The following GSDME variants were observed in gnomAD, a reference collection of about 807,000 sequenced individuals.
The protein encoded by GSDME is gasdermin E.
A neutral mutation model predicts 47.5 loss-of-function variants in GSDME; 44 were observed. The ratio of observed to expected loss-of-function variants is 0.93; its 90% CI spans 0.73 to 1.19. The LOEUF (loss-of-function observed/expected upper bound fraction) is 1.19, where lower values mean the gene tolerates loss of function less well. GSDME is among the 50% of genes most tolerant of loss of function. The probability of loss-of-function intolerance (pLI) is 0.00; values close to 1 mark genes in which losing one functional copy is unlikely to be tolerated. For synonymous variants in GSDME, 258 were observed against 252.8 expected (o/e 1.02, Z -0.20); for missense variants, 663 against 604.2 (o/e 1.10, Z -1.02).
rs1362481071 is a variant in GSDME, at chr7:24,698,696, A to G, written c.*330T>C. 1 of 370,892 alleles carries G rather than the reference A, an allele frequency of 2.7e-6. No individual in the cohort carries two copies. The highest frequency in any genetic ancestry group is 5.1e-6 in the Non-Finnish European group (1 of 195,482). The allele number at this position is 370,892 out of a possible 1,614,324, so 23.0% of individuals were successfully genotyped here. On this transcript the variant is annotated 3_prime_UTR_variant, in exon 10 of 10. Transcript: ENST00000645220. ...AGGGTCAGACTCTTTCTATGTAACA[A>G]AAAGTGGAATGCAAGTGACAGATGG...
chr7:24,715,620 A>G (rs1272883339), intron 5 of GSDME: 2 of 363,124 alleles, frequency 5.5e-6, no homozygotes, highest in Middle Eastern at 3.8e-4. Context: ...CCACATACAG[A>G]TAACAGAGAC....
chr7:24,766,182 T>TG, the GSDME span, among the ~76,000 whole-genome samples: 2 of 134,408 alleles, frequency 1.5e-5, no homozygotes, highest in African/African-American at 2.9e-5. The surrounding 1 kb of genome is among the most constrained non-coding windows in gnomAD (Gnocchi z 4.2). Context: ...AATTACATTA[T>TG]TTGTGTGTGT....
rs1257212915 is a variant in GSDME at position 24,714,166 on chromosome 7, G to T, written c.697+3088C>A. ...AGGGTGTTTCTGATTGGGCATAAGTGTCTCCTGAGAGGGGAGCTGTGGGTG... is the reference window on the plus strand; with the variant it reads ...AGGGTGTTTCTGATTGGGCATAAGTTTCTCCTGAGAGGGGAGCTGTGGGTG... On this transcript the variant is annotated intron_variant, in intron 5 of 9. Transcript: ENST00000645220. This position sits in a 1 kb window ranked among gnomAD's most constrained non-coding sequence, Gnocchi z 5.0. 2.6e-5 allele frequency among the ~76,000 whole-genome samples: 4 copies of T among 152,220 alleles called. No homozygotes were observed. Among genetic ancestry groups the T allele is most frequent in the African/African-American group, 9.7e-5 (4 of 41,448 alleles).
At chr7:24,738,663 A>C (rs1790387639) in intron 3 of GSDME, among the ~76,000 whole-genome samples, 1 of 152,220 alleles carries the variant, frequency 6.6e-6, no homozygotes, top group African/African-American at 2.4e-5. Flanking sequence ...CAAAAGATGC[A>C]GAATAGCCAA....
the GSDME span, among the ~76,000 whole-genome samples, chr7:24,792,689 A>G: frequency 0.67 from 101,903 of 152,052 alleles, 36,387 homozygotes; most frequent in East Asian, 0.99. Context: ...ACTCTGGAGC[A>G]GGTGGTGCTT....
In GSDME at chr7:24,699,251, A is replaced by T. The variant is rs373300621; in HGVS notation, c.1266T>A (p.Ala422=). Reference sequence around the variant, plus strand: ...GATCAGATACTCCATCATCAGACAGAGCACGAAGCTGAAATGACACATTTA... The same window carrying T: ...GATCAGATACTCCATCATCAGACAGTGCACGAAGCTGAAATGACACATTTA... The part of the protein sequence containing the change: ...IIPTLCHLLR[A]LSDDGVSDLE... Residue 422 remains alanine (A), a synonymous_variant, in exon 10 of 10, where the codon GCT becomes GCA. Transcript: ENST00000645220. 18 of 1,609,768 alleles carry T rather than the reference A, an allele frequency of 1.1e-5. No individual in the cohort carries two copies. In the African/African-American group the frequency reaches 2.3e-4, roughly 20 times the overall value.
intron 7 of GSDME, chr7:24,707,632 G>A: frequency 2.8e-6 from 1 of 356,926 alleles, no homozygotes; most frequent in East Asian, 7.0e-5. Flanking sequence ...CTAGATTGGG[G>A]TGGGCCCTAA....
At chr7:24,784,237 C>A in the GSDME span, among the ~76,000 whole-genome samples, 1 of 152,002 alleles carries the variant, frequency 6.6e-6, no homozygotes, top group African/African-American at 2.4e-5. Flanking sequence ...CAGGGTTCTG[C>A]GGAGGGACAG....
intron 5 of GSDME, among the ~76,000 whole-genome samples, chr7:24,711,505 C>G (rs1370490371): frequency 6.6e-6 from 1 of 152,064 alleles, no homozygotes; most frequent in East Asian, 2.0e-4. Context: ...AGCCACTGCT[C>G]CAGGCGATAA....
At chr7:24,791,142 G>A in the GSDME span, among the ~76,000 whole-genome samples, 1 of 152,016 alleles carries the variant, frequency 6.6e-6, no homozygotes, top group Non-Finnish European at 1.5e-5. This position sits in a 1 kb window ranked among gnomAD's most constrained non-coding sequence, Gnocchi z 4.8. Context: ...GATCCAGGCT[G>A]GGATTCCTTG....
chr7:24,776,484 T>A, the GSDME span, among the ~76,000 whole-genome samples: 1 of 152,204 alleles, frequency 6.6e-6, no homozygotes, highest in Non-Finnish European at 1.5e-5. Context: ...ATATAAGCAA[T>A]CTTGTTTCAT....
Position 24,722,578 on chromosome 7 carries a change from A to T in GSDME, c.405-3360T>A, listed in dbSNP as rs543603149. Among the ~76,000 whole-genome samples, 25 of 152,172 alleles carry T rather than the reference A, an allele frequency of 1.6e-4. No individual in the cohort carries two copies. In the South Asian group the frequency reaches 4.6e-3, roughly 28 times the overall value. Reference sequence around the variant, plus strand: ...TCAGACACATCACCGCCTGGTGACGACCCCACAACTGCCGCCTTTAGGAGT... The same window carrying T: ...TCAGACACATCACCGCCTGGTGACGTCCCCACAACTGCCGCCTTTAGGAGT... On this transcript the variant is annotated intron_variant, in intron 3 of 9. Transcript: ENST00000645220.
chr7:24,717,512 A>G, intron 4 of GSDME, 138 bp from the exon 5 acceptor site: 1 of 1,377,614 alleles, frequency 7.3e-7, no homozygotes, highest in East Asian at 2.5e-5. Flanking sequence ...CAGAGGAGCC[A>G]GCCAGCATGG....
chr7:24,774,017 C>T, the GSDME span, among the ~76,000 whole-genome samples: 1 of 152,276 alleles, frequency 6.6e-6, no homozygotes, highest in Admixed American at 6.5e-5. Context: ...AAAACATTTA[C>T]CCTGCTTCCT....
intron 6 of GSDME, among the ~76,000 whole-genome samples, chr7:24,708,720 A>G (rs1022619099): frequency 6.7e-6 from 1 of 150,092 alleles, no homozygotes; most frequent in South Asian, 2.1e-4. Context: ...ATCCTTTAAT[A>G]TTTAATGCCC....
chr7:24,747,773 T>A (rs553919324), intron 2 of GSDME, among the ~76,000 whole-genome samples: 1 of 152,168 alleles, frequency 6.6e-6, no homozygotes, highest in Non-Finnish European at 1.5e-5. Context: ...GTTCAAGCGA[T>A]CCTCCCACCT....
intron 1 of GSDME, among the ~76,000 whole-genome samples, chr7:24,752,169 C>T (rs886839093): frequency 1.3e-5 from 2 of 152,172 alleles, no homozygotes; most frequent in Non-Finnish European, 2.9e-5. Flanking sequence ...AAATGGGTTA[C>T]CAGTGAGCTT....
chr7:24,701,405 A>T (rs941682023), intron 9 of GSDME, among the ~76,000 whole-genome samples: 1 of 152,226 alleles, frequency 6.6e-6, no homozygotes, highest in Non-Finnish European at 1.5e-5. Flanking sequence ...CTTGGGGGTA[A>T]TACAAATGTC....
the GSDME span, among the ~76,000 whole-genome samples, chr7:24,793,939 T>C: frequency 6.6e-6 from 1 of 152,238 alleles, no homozygotes; most frequent in Non-Finnish European, 1.5e-5. Flanking sequence ...GTTACTGGGT[T>C]AAGGAATTTT....
Sources: allele counts gnomAD v4.1 joint callset (sites outside exome capture counted in the v4.1 genomes callset), GRCh38; gene constraint gnomAD v4.1.1; non-coding constraint Gnocchi (gnomAD v3.1); transcripts MANE v1.5; gene names NCBI Gene and HGNC (gene_info 2026-07-23, HGNC 2026-07-21).